Variants in TAF12 observed in about 807,000 individuals in gnomAD.
The protein encoded by TAF12 is transcription initiation factor TFIID subunit 12.
Under a neutral mutation model 20.8 loss-of-function variants are expected in TAF12, and 3 were observed. The ratio of observed to expected loss-of-function variants is 0.14; its 90% CI spans 0.07 to 0.37. The LOEUF (loss-of-function observed/expected upper bound fraction) is 0.37. TAF12 is among the 10% of genes least tolerant of loss of function. The pLI is 1.00. For missense variants in TAF12, 131 were observed against 197.9 expected, an observed-to-expected ratio of 0.66 and a Z score of 2.03; for synonymous variants, 69 against 70.2, an observed-to-expected ratio of 0.98 and a Z score of 0.09.
intron 3 of TAF12, among the ~76,000 whole-genome samples, chr1:28,615,279 T>C (rs1356949293): frequency 3.3e-5 from 5 of 152,082 alleles, no homozygotes; most frequent in East Asian, 1.9e-4. Flanking sequence ...TTGTCATCTT[T>C]ACTGTGGGAA....
At chr1:28,630,010 G>A (rs1667564717) in intron 1 of TAF12, among the ~76,000 whole-genome samples, 1 of 152,134 alleles carries the variant, frequency 6.6e-6, no homozygotes, top group Non-Finnish European at 1.5e-5. Flanking sequence ...TGCAATCAGA[G>A]CTCACTACAG....
At chr1:28,620,737 C>A (rs1203730877) in intron 2 of TAF12, among the ~76,000 whole-genome samples, 1 of 152,016 alleles carries the variant, frequency 6.6e-6, no homozygotes, top group African/African-American at 2.4e-5. Flanking sequence ...CCGGCCGAAC[C>A]CAGAAATTTG....
intron 2 of TAF12, among the ~76,000 whole-genome samples, chr1:28,619,064 A>G (rs191992227): frequency 6.6e-6 from 1 of 151,716 alleles, no homozygotes; most frequent in Non-Finnish European, 1.5e-5. Flanking sequence ...AACAAACAAA[A>G]AAAAGGGCCT....
At chr1:28,645,506 G>T (rs773259796), upstream of TAF12, among the ~76,000 whole-genome samples, 2 of 150,812 alleles carry the variant, frequency 1.3e-5, no homozygotes, top group Non-Finnish European at 3.0e-5. Flanking sequence ...AAATTAGCTG[G>T]GCGTGGTGGT....
Position 28,636,719 on chromosome 1 carries a change from T to C in TAF12, c.-85+6273A>G, listed in dbSNP as rs184823027. On this transcript the variant is annotated intron_variant, in intron 1 of 5. Transcript: ENST00000373824. The stretch of plus-strand genomic sequence containing the variant: ...GGGAGGTTAAGGCGGGAGGATCACT[T>C]GAGCCCAGGAGGTTGATACAGTAGT... 2.8e-4 allele frequency among the ~76,000 whole-genome samples: 42 copies of C among 151,974 alleles called. No individual in the cohort carries two copies. The East Asian group carries it at 5.4e-3, about 20-fold the overall frequency.
chr1:28,634,006 C>T (rs34093220), intron 1 of TAF12, among the ~76,000 whole-genome samples: 4,085 of 149,668 alleles, frequency 0.027, 194 homozygotes, highest in African/African-American at 0.096. Flanking sequence ...TCACTTGAAC[C>T]CAGGAGGTGG....
At chr1:28,609,229 A>G (rs1666774976) in intron 4 of TAF12, among the ~76,000 whole-genome samples, 1 of 151,562 alleles carries the variant, frequency 6.6e-6, no homozygotes, top group South Asian at 2.1e-4. Context: ...GGCACATGCC[A>G]CCACGCCCGG....
intron 3 of TAF12, among the ~76,000 whole-genome samples, chr1:28,615,955 G>A (rs189273856): frequency 1.4e-3 from 210 of 152,250 alleles, no homozygotes; most frequent in African/African-American, 4.6e-3. Context: ...CATGTTGGTA[G>A]AAATAGTTAC....
chr1:28,634,720 G>A (rs1667757960), intron 1 of TAF12, among the ~76,000 whole-genome samples: 1 of 151,898 alleles, frequency 6.6e-6, no homozygotes, highest in Non-Finnish European at 1.5e-5. Flanking sequence ...ACCTGAGGTC[G>A]GAAGTTTGAG....
chr1:28,613,084 A>AGAT (rs1351606705), intron 4 of TAF12, among the ~76,000 whole-genome samples, 163 bp downstream of exon 4: 1 of 152,248 alleles, frequency 6.6e-6, no homozygotes, highest in Non-Finnish European at 1.5e-5. Flanking sequence ...TCCCTACCAC[A>AGAT]GATGGATTTC....
At chr1:28,620,669 G>A (rs528466621) in intron 2 of TAF12, among the ~76,000 whole-genome samples, 3 of 151,564 alleles carry the variant, frequency 2.0e-5, no homozygotes, top group African/African-American at 2.4e-5. Flanking sequence ...ATCTGACCTC[G>A]TGATCCGCCC....
At chr1:28,636,196 C>G (rs1026780317) in intron 1 of TAF12, among the ~76,000 whole-genome samples, 1 of 152,168 alleles carries the variant, frequency 6.6e-6, no homozygotes, top group African/African-American at 2.4e-5. Context: ...CTGCTTTTGA[C>G]TTATCAAAAA....
At chr1:28,614,620 T>C (rs1167343625) in intron 3 of TAF12, among the ~76,000 whole-genome samples, 1 of 151,056 alleles carries the variant, frequency 6.6e-6, no homozygotes, top group Non-Finnish European at 1.5e-5. Flanking sequence ...GCAGCAGAGG[T>C]TGCAGTGAGC....
At chr1:28,610,651 T>C (rs1486423732) in intron 4 of TAF12, among the ~76,000 whole-genome samples, 1 of 151,768 alleles carries the variant, frequency 6.6e-6, no homozygotes, top group Non-Finnish European at 1.5e-5. Flanking sequence ...ATAAATTCCT[T>C]TACCCTCCTG....
chr1:28,605,249 A>G, intron 5 of TAF12, 123 bp downstream of exon 5: 1 of 949,206 alleles, frequency 1.1e-6, no homozygotes, highest in Non-Finnish European at 1.6e-6. Context: ...CCCTTGCTCC[A>G]GAGAGTGAAG....
chr1:28,643,310 C>T (rs911186072), upstream of TAF12: 3 of 161,160 alleles, frequency 1.9e-5, no homozygotes, highest in Non-Finnish European at 2.6e-5. Flanking sequence ...CCTTCACTAG[C>T]TTTTCTTCCC....
chr1:28,621,537 C>A (rs1270222377), intron 2 of TAF12, among the ~76,000 whole-genome samples: 1 of 152,086 alleles, frequency 6.6e-6, no homozygotes, highest in Non-Finnish European at 1.5e-5. Flanking sequence ...AGGAAAAAAA[C>A]ACCTTTCATA....
intron 4 of TAF12, among the ~76,000 whole-genome samples, chr1:28,610,506 G>C (rs1430579634): frequency 1.3e-5 from 2 of 151,860 alleles, no homozygotes; most frequent in Non-Finnish European, 2.9e-5. Context: ...AACACAGTGA[G>C]GTCTCACTGT....
chr1:28,628,459 A>G (rs1667509056), intron 1 of TAF12, among the ~76,000 whole-genome samples: 1 of 152,124 alleles, frequency 6.6e-6, no homozygotes, highest in South Asian at 2.1e-4. Flanking sequence ...ATAGACAGAA[A>G]GTAGATTAGT....
Sources: allele counts gnomAD v4.1 joint callset (sites outside exome capture counted in the v4.1 genomes callset), GRCh38; gene constraint gnomAD v4.1.1; transcripts MANE v1.5; gene names NCBI Gene and HGNC (gene_info 2026-07-23, HGNC 2026-07-21).